The following ARHGEF1 variants were observed in gnomAD, a reference collection of about 807,000 sequenced individuals.
The protein encoded by ARHGEF1 is Rho guanine nucleotide exchange factor 1.
In ARHGEF1, 40 loss-of-function variants were observed where a neutral mutation model predicts 119.7. The observed-to-expected ratio is 0.33, with a 90% CI of 0.26 to 0.44. ARHGEF1 has a LOEUF of 0.44. ARHGEF1 is among the 20% of genes least tolerant of loss of function. The probability of loss-of-function intolerance (pLI) is 1.00; values close to 1 mark genes in which losing one functional copy is unlikely to be tolerated. For synonymous variants in ARHGEF1, 494 were observed against 521.0 expected (o/e 0.95, Z 0.71); for missense variants, 976 against 1,268.3 (o/e 0.77, Z 3.50).
rs111677971 is a variant in ARHGEF1, at chr19:41,917,011, T to TGC, written c.1866-6080_1866-6079insCG. On this transcript the variant is annotated intron_variant, in intron 18 of 20. Transcript: ENST00000599589. This position sits in a 1 kb window ranked among gnomAD's most constrained non-coding sequence, Gnocchi z 4.8. The stretch of plus-strand genomic sequence containing the variant: ...CTTCCCAAGCATGTCTCTGCATGGG[T>TGC]GTGTGTGTGTGTGTGCACATATGTG... 0.23 allele frequency among the ~76,000 whole-genome samples: 35,315 copies of TGC among 151,072 alleles called. 8,260 individuals carry two copies. Among genetic ancestry groups the TGC allele is most frequent in the African/African-American group, 0.61 (25,026 of 41,128 alleles).
Position 41,894,497 on chromosome 19 carries a change from G to A in ARHGEF1, c.791G>A (p.Gly264Glu). The change falls in exon 10 of 29, where the codon GGG (glycine) becomes GAG (glutamate). Residue 264 changes from glycine to glutamate, a missense_variant. Transcript: ENST00000354532. ...GACGAGCCTGCCAAGACCAAGAAGG[G>A]GCTGAGCAGCATCCTGGATGCCGCC... ...RSDEPAKTKK[G>E]LSSILDAARW... The A allele has an allele frequency of 6.2e-7, 1 of 1,600,336 alleles. No homozygotes were observed. The highest frequency in any genetic ancestry group is 2.2e-5 in the East Asian group (1 of 44,782).
Position 41,902,345 on chromosome 19 carries a change from C to T in ARHGEF1, c.1486C>T (p.Leu496=), listed in dbSNP as rs1555849191. 2 of 1,614,004 alleles carry T rather than the reference C, an allele frequency of 1.2e-6. No individual in the cohort carries two copies. Among genetic ancestry groups the T allele is most frequent in the East Asian group, 2.2e-5 (1 of 44,888 alleles). The change falls in exon 16 of 29, where the codon CTG becomes TTG. Residue 496 remains leucine (L), a synonymous_variant. Transcript: ENST00000354532. The surrounding 1 kb of genome is among the most constrained non-coding windows in gnomAD (Gnocchi z 6.5). Reference sequence around the variant, plus strand: ...CCTCATCGAGGAGATCGGAGACGTGCTGCTGGCCCGGGTGAGATGCCCAGC... The same window carrying T: ...CCTCATCGAGGAGATCGGAGACGTGTTGCTGGCCCGGGTGAGATGCCCAGC... The part of the protein sequence containing the change: ...GYLIEEIGDV[L]LARFDGAEGS...
In ARHGEF1 at chr19:41,914,857, C is replaced by T. The variant is rs868935905; in HGVS notation, c.1865+8054C>T. Among the ~76,000 whole-genome samples, 20 of 5,380 alleles carry T rather than the reference C, an allele frequency of 3.7e-3. 1 individual carries two copies. Among genetic ancestry groups the T allele is most frequent in the Non-Finnish European group, 4.6e-3 (14 of 3,050 alleles). 3.5% of individuals were successfully genotyped at this position (5,380 alleles called of 152,430 possible). On this transcript the variant is annotated intron_variant, in intron 18 of 20. Coordinates refer to the ARHGEF1 transcript ENST00000599589. ...TTCCACCGTCTCTGTCTCTCCCCCCCTCCACCATCTCTGTCTCTCCCTCCC... is the reference window on the plus strand; with the variant it reads ...TTCCACCGTCTCTGTCTCTCCCCCCTTCCACCATCTCTGTCTCTCCCTCCC...
chr19:41,930,028 C>T (rs782545623), exon 3 of ARHGEF1: 2 of 152,218 alleles, frequency 1.3e-5, no homozygotes, highest in Non-Finnish European at 2.9e-5. Context: ...AAGGTTAAAC[C>T]GCAGGGCGCA....
In ARHGEF1 at chr19:41,892,863, C is replaced by A; in HGVS notation, c.614+14C>A. ...GGAGGAGATGCAGTGAGTAGGCCAG[C>A]CCTGGTGGGAGCGTCGCCCCTCCCC... On this transcript the variant is annotated intron_variant, in intron 7 of 28. Transcript: ENST00000354532. This position sits in a 1 kb window ranked among gnomAD's most constrained non-coding sequence, Gnocchi z 6.3. 1 of 1,500,670 alleles carries A rather than the reference C, an allele frequency of 6.7e-7. No individual in the cohort carries two copies. Among genetic ancestry groups the A allele is most frequent in the Non-Finnish European group, 8.9e-7 (1 of 1,125,928 alleles). 93.0% of individuals were successfully genotyped at this position (1,500,670 alleles called of 1,614,324 possible).
chr19:41,924,814 C>G (rs1599681605), intron 1 of ARHGEF1, among the ~76,000 whole-genome samples: 1 of 152,018 alleles, frequency 6.6e-6, no homozygotes, highest in Non-Finnish European at 1.5e-5. Context: ...GAGACACGTG[C>G]TAGGAAAGGG....
chr19:41,923,607 A>C (rs2074853752), intron 1 of ARHGEF1, among the ~76,000 whole-genome samples: 1 of 135,694 alleles, frequency 7.4e-6, no homozygotes, highest in Non-Finnish European at 1.6e-5. Context: ...TGGAGAAAGG[A>C]AATGAAAGTG....
chr19:41,908,220 C>T, downstream of ARHGEF1: 1 of 1,231,766 alleles, frequency 8.1e-7, no homozygotes, highest in African/African-American at 1.5e-5. The surrounding 1 kb of genome is among the most constrained non-coding windows in gnomAD (Gnocchi z 6.7). Context: ...CCATTGCCCC[C>T]TGCCGGCTCA....
Position 41,896,379 on chromosome 19 carries a change from G to GCTGACGCCC in ARHGEF1, c.1020_1028dup (p.Asp341_Pro343dup). 1 of 1,429,092 alleles carries GCTGACGCCC rather than the reference G, an allele frequency of 7.0e-7. No individual in the cohort carries two copies. The highest frequency in any genetic ancestry group is 9.2e-7 in the Non-Finnish European group (1 of 1,088,896). The allele number at this position is 1,429,092 out of a possible 1,614,324, so 88.5% of individuals were successfully genotyped here. ...GCCCTGCTCCCTCCACCCCACAGGT[G>GCTGACGCCC]CTGACGCCCCCCTGGAGCTGGGGGA... On this transcript the variant is annotated inframe_insertion, in exon 13 of 29. Coordinates refer to ENST00000354532, the MANE Select transcript of ARHGEF1 (RefSeq NM_004706.4).
Position 41,901,894 on chromosome 19 carries a change from G to A in ARHGEF1, c.1275G>A (p.Leu425=), listed in dbSNP as rs781805056. Residue 425 remains leucine (L), a synonymous_variant, in exon 15 of 29, where the codon CTG becomes CTA. Coordinates refer to ENST00000354532, the MANE Select transcript of ARHGEF1 (RefSeq NM_004706.4). The part of the protein sequence containing the change: ...VKRQEVISEL[L]VTEAAHVRML... ...GCTTTGGTGGCCCTGCAGAGCTGCT[G>A]GTGACAGAGGCGGCCCACGTGCGCA... The A allele has an allele frequency of 6.2e-7, 1 of 1,610,330 alleles. No individual in the cohort carries two copies. Among genetic ancestry groups the A allele is most frequent in the African/African-American group, 1.3e-5 (1 of 75,018 alleles).
Position 41,902,378 on chromosome 19 carries a change from C to A in ARHGEF1, c.1497+22C>A. The stretch of plus-strand genomic sequence containing the variant: ...CCGGGTGAGATGCCCAGCCCTCCCG[C>A]TCCTCCCAGCTAGACACATGGAATT... On this transcript the variant is annotated intron_variant, in intron 16 of 28. Coordinates refer to ENST00000354532, the MANE Select transcript of ARHGEF1 (RefSeq NM_004706.4). This position sits in a 1 kb window ranked among gnomAD's most constrained non-coding sequence, Gnocchi z 6.5. The A allele has an allele frequency of 1.9e-6, 3 of 1,613,708 alleles. No homozygotes were observed. Among genetic ancestry groups the A allele is most frequent in the Non-Finnish European group, 2.5e-6 (3 of 1,179,832 alleles).
upstream of ARHGEF1, among the ~76,000 whole-genome samples, chr19:41,919,888 C>T (rs1007331331): frequency 3.9e-5 from 6 of 152,108 alleles, no homozygotes; most frequent in South Asian, 2.1e-4. Context: ...TCACACCAGA[C>T]GCAGCTGAGC....
chr19:41,923,325 GACAGAC>G, intron 1 of ARHGEF1: 1 of 377,996 alleles, frequency 2.6e-6, no homozygotes, highest in Non-Finnish European at 5.3e-6. Context: ...AAGACAAGGA[GACAGAC>G]ACAGAGTCCA....
In ARHGEF1 at chr19:41,903,653, C is replaced by A; in HGVS notation, c.1840-54C>A. ...CTCATCTTACCAATGTGGGTCACTG[C>A]AGGTCAGCCCCAGCACTTAGCTTGT... On this transcript the variant is annotated intron_variant, in intron 19 of 28. Coordinates refer to ENST00000354532, the MANE Select transcript of ARHGEF1 (RefSeq NM_004706.4). The surrounding 1 kb of genome is among the most constrained non-coding windows in gnomAD (Gnocchi z 4.2). 6.3e-7 allele frequency: 1 copy of A among 1,577,898 alleles called. No homozygotes were observed. Among genetic ancestry groups the A allele is most frequent in the Non-Finnish European group, 8.7e-7 (1 of 1,153,682 alleles).
In ARHGEF1 at chr19:41,917,025, T is replaced by TGC. The variant is rs1404060989; in HGVS notation, c.1866-6066_1866-6065dup. On this transcript the variant is annotated intron_variant, in intron 18 of 20. Coordinates refer to the ARHGEF1 transcript ENST00000599589. This position sits in a 1 kb window ranked among gnomAD's most constrained non-coding sequence, Gnocchi z 4.8. ...CTCTGCATGGGTGTGTGTGTGTGTG[T>TGC]GCACATATGTGACACGTGCCCTTGT... Among the ~76,000 whole-genome samples the TGC allele has an allele frequency of 1.3e-5, 2 of 152,130 alleles. No individual in the cohort carries two copies. Among genetic ancestry groups the TGC allele is most frequent in the Admixed American group, 6.5e-5 (1 of 15,280 alleles).
chr19:41,903,917 C>T lies in ARHGEF1; in HGVS notation c.1918-118C>T. On this transcript the variant is annotated intron_variant, in intron 20 of 28. Transcript: ENST00000354532. This position sits in a 1 kb window ranked among gnomAD's most constrained non-coding sequence, Gnocchi z 4.2. The stretch of plus-strand genomic sequence containing the variant: ...CGAGAGCTCTGTCCCCCACCTCATG[C>T]CAATCCCATGATCCCCAGCCTGTGG... The T allele has an allele frequency of 7.4e-7, 1 of 1,352,698 alleles. No individual in the cohort carries two copies. Among genetic ancestry groups the T allele is most frequent in the Non-Finnish European group, 1.0e-6 (1 of 959,874 alleles). The allele number at this position is 1,352,698 out of a possible 1,614,324, so 83.8% of individuals were successfully genotyped here. A position where few individuals can be genotyped will look rare whatever the true frequency, so the allele number is the denominator to read the frequency against.
chr19:41,922,491 TG>T (rs1473346959), upstream of ARHGEF1, among the ~76,000 whole-genome samples: 2 of 151,208 alleles, frequency 1.3e-5, no homozygotes, highest in Non-Finnish European at 2.9e-5. Context: ...AGGCCAAAAA[TG>T]GGGAGAAGTG....
At position 41,892,795 on chromosome 19, in the gene ARHGEF1, AGGCCCGGGAGCGGCACGT is replaced by A. The variant is rs1555846557; in HGVS notation, c.564_581del (p.Arg189_Ala194del). 1 of 1,596,788 alleles carries A rather than the reference AGGCCCGGGAGCGGCACGT, an allele frequency of 6.3e-7. No individual in the cohort carries two copies. Among genetic ancestry groups the A allele is most frequent in the Admixed American group, 1.7e-5 (1 of 59,612 alleles). ...GTTGGGCGGGACCGAGCCAGCTACG[AGGCCCGGGAGCGGCACGT>A]GGCGGAGCGGCTGCTCATGCACCTG... On this transcript the variant is annotated inframe_deletion, in exon 7 of 29. Coordinates refer to ENST00000354532, the MANE Select transcript of ARHGEF1 (RefSeq NM_004706.4). The surrounding 1 kb of genome is among the most constrained non-coding windows in gnomAD (Gnocchi z 6.3).
rs370447162 is a variant in ARHGEF1, at chr19:41,902,208, C to T, written c.1415-66C>T. The T allele has an allele frequency of 4.8e-5, 77 of 1,594,390 alleles. No homozygotes were observed. Among genetic ancestry groups the T allele is most frequent in the Non-Finnish European group, 5.7e-5 (66 of 1,164,620 alleles). On this transcript the variant is annotated intron_variant, in intron 15 of 28. Transcript: ENST00000354532. The surrounding 1 kb of genome is among the most constrained non-coding windows in gnomAD (Gnocchi z 6.5). ...ACCTGCAGCCCTACCCCCACCACAC[C>T]GCAGCAGGCCCCGCACAGCATCTTC...
Sources: allele counts gnomAD v4.1 joint callset (sites outside exome capture counted in the v4.1 genomes callset), GRCh38; gene constraint gnomAD v4.1.1; non-coding constraint Gnocchi (gnomAD v3.1); transcripts MANE v1.5; gene names NCBI Gene and HGNC (gene_info 2026-07-23, HGNC 2026-07-21).